The following AP1B1 variants were observed in gnomAD, a reference collection of about 807,000 sequenced individuals.
AP1B1 encodes adaptor related protein complex 1 subunit beta 1, also known as AP-1 complex subunit beta-1.
Under a neutral mutation model 104.3 loss-of-function variants are expected in AP1B1, and 36 were observed. The ratio of observed to expected loss-of-function variants is 0.35; its 90% CI spans 0.26 to 0.46. The LOEUF (loss-of-function observed/expected upper bound fraction) is 0.46. AP1B1 is among the 20% of genes least tolerant of loss of function. The pLI, the probability that AP1B1 is intolerant of heterozygous loss-of-function variation, is 1.00. For synonymous variants in AP1B1, 504 were observed against 517.5 expected (o/e 0.97, Z 0.35); for missense variants, 901 against 1,247.9 (o/e 0.72, Z 4.19).
chr22:29,384,793 G>A (rs200501872), intron 1 of AP1B1, among the ~76,000 whole-genome samples: 7 of 152,084 alleles, frequency 4.6e-5, no homozygotes, highest in Non-Finnish European at 8.8e-5. Flanking sequence ...GCTTGAACCC[G>A]GGAGGCGGAG....
chr22:29,340,848 GCT>G lies in AP1B1; in HGVS notation c.1804_1805del (p.Ser602ArgfsTer5). The G allele has an allele frequency of 6.3e-7, 1 of 1,593,694 alleles. No homozygotes were observed. Among genetic ancestry groups the G allele is most frequent in the Non-Finnish European group, 8.5e-7 (1 of 1,172,190 alleles). ...TAGGGGCTGTCTCAGGGCTCTCTGC[GCT>G]CTCACTCCTGCCGGGACACAGAAGT... The part of the protein sequence containing the change: ...SLPPRTASSE[S>X]AESPETAPTG... On this transcript the variant is annotated frameshift_variant, in exon 14 of 23. Coordinates refer to ENST00000357586, the MANE Select transcript of AP1B1 (RefSeq NM_001127.4). LOFTEE classifies it high-confidence loss of function.
chr22:29,340,671 A>G lies in AP1B1; in HGVS notation c.1983T>C (p.Gly661=), dbSNP rs2228323. The G allele has an allele frequency of 6.6e-3, 10,269 of 1,561,926 alleles. 563 individuals are homozygous for G. The African/African-American group carries it at 0.12, about 19-fold the overall frequency. Residue 661 remains glycine (G), a synonymous_variant, in exon 14 of 23, where the codon GGT becomes GGC. Transcript: ENST00000357586. The stretch of plus-strand genomic sequence containing the variant: ...CACAACATACCAGGCTGTCAAGGCC[A>G]CCGCCAAGAAGGTCCACAGCTCCCA... ...VQMGAVDLLG[G]GLDSLMGDEP...
Position 29,350,138 on chromosome 22 carries a change from G to A in AP1B1, c.1168C>T (p.Arg390Cys), listed in dbSNP as rs2061851886. ...AGGTCGAGCAGCGTGCTCACACAGC[G>A]CTCCGCAGATTGCTGCATGGGAAGA... Reference protein sequence around the residue: ...CAIKVEQSAERCVSTLLDLIQ... With the variant: ...CAIKVEQSAECCVSTLLDLIQ... The change falls in exon 10 of 23, where the codon CGC becomes TGC. Residue 390 changes from arginine (R) to cysteine (C), a missense_variant. Physicochemically the swap from Arg to Cys is radical, Grantham distance 180. Around this residue, in one of 3 missense-constraint regions of AP1B1, gnomAD observed 471 missense variants for 696.7 expected, o/e 0.68. Coordinates refer to ENST00000357586, the MANE Select transcript of AP1B1 (RefSeq NM_001127.4). 1.2e-6 allele frequency: 2 copies of A among 1,614,018 alleles called. No individual in the cohort carries two copies. The highest frequency in any genetic ancestry group is 1.7e-6 in the Non-Finnish European group (2 of 1,179,926).
At chr22:29,382,175 T>C (rs1451698155) in intron 1 of AP1B1, among the ~76,000 whole-genome samples, 2 of 152,078 alleles carry the variant, frequency 1.3e-5, no homozygotes, top group Non-Finnish European at 2.9e-5. Context: ...TGCTTCAGCC[T>C]CCTGAGTAGC....
rs189370895 is a variant in AP1B1 at position 29,338,882 on chromosome 22, C to G, written c.2163+108G>C. 1.0e-3 allele frequency: 1,452 copies of G among 1,458,760 alleles called. 4 individuals carry two copies. The highest frequency in any genetic ancestry group is 1.3e-3 in the Non-Finnish European group (1,366 of 1,077,608). The allele number at this position is 1,458,760 out of a possible 1,614,324, so 90.4% of individuals were successfully genotyped here. On this transcript the variant is annotated intron_variant, in intron 16 of 22. Transcript: ENST00000357586. ...CCCTGTGGCCCCCAGCTTCCCTCAT[C>G]ACTGCTGGCCTGAGCCAATTCCACA...
At chr22:29,387,709 T>C (rs1382599765) in intron 1 of AP1B1, among the ~76,000 whole-genome samples, 1 of 152,250 alleles carries the variant, frequency 6.6e-6, no homozygotes, top group Non-Finnish European at 1.5e-5. Flanking sequence ...TGGCCTTGCC[T>C]CTACTACCCG....
At chr22:29,342,247 G>T (rs778704009) in intron 12 of AP1B1, 38 bp downstream of exon 12, 1 of 1,528,442 alleles carries the variant, frequency 6.5e-7, no homozygotes, top group African/African-American at 1.4e-5. Context: ...CTTGAGTGAG[G>T]GCTATGCTGG....
intron 9 of AP1B1, among the ~76,000 whole-genome samples, chr22:29,350,524 C>G (rs999666024): frequency 1.3e-5 from 2 of 152,220 alleles, no homozygotes; most frequent in Non-Finnish European, 2.9e-5. Flanking sequence ...CACAGAACCT[C>G]TGACTGCTTC....
At chr22:29,331,056 C>T (rs892185169) in intron 19 of AP1B1, among the ~76,000 whole-genome samples, 6 of 152,208 alleles carry the variant, frequency 3.9e-5, no homozygotes, top group African/African-American at 1.2e-4. Flanking sequence ...AAGGGCTCCA[C>T]GCAGCCAGGG....
In AP1B1 at chr22:29,340,723, G is replaced by T. The variant is rs866417869; in HGVS notation, c.1931C>A (p.Pro644Gln). The T allele has an allele frequency of 6.3e-7, 1 of 1,592,502 alleles. No homozygotes were observed. ...NLDLGPPVSG[P>Q]PLATSSVQMG... ...CTGCACCGAGGAGGTGGCCAGGGGT[G>T]GGCCGCTCACTGGGGGGCCGAGGTC... Residue 644 changes from proline (P) to glutamine (Q), a missense_variant, in exon 14 of 23, where the codon CCA becomes CAA. Pro to Gln is a moderately conservative substitution (Grantham distance 76). This residue lies in a region of AP1B1 where 424 missense variants were observed against 494.0 expected (regional missense o/e 0.86). Coordinates refer to ENST00000357586, the MANE Select transcript of AP1B1 (RefSeq NM_001127.4).
intron 1 of AP1B1, among the ~76,000 whole-genome samples, chr22:29,377,335 TTCTC>T (rs1477238085): frequency 6.6e-5 from 10 of 152,128 alleles, no homozygotes; most frequent in Middle Eastern, 3.4e-3. Flanking sequence ...ATTTCAGACT[TTCTC>T]TCTGAGAAAA....
rs2061878564 is a variant in AP1B1 at position 29,351,749 on chromosome 22, G to A, written c.1015C>T (p.Leu339=). 6.2e-7 allele frequency: 1 copy of A among 1,614,176 alleles called. No homozygotes were observed. The highest frequency in any genetic ancestry group is 2.2e-5 in the East Asian group (1 of 44,886). The change falls in exon 8 of 23, where the codon CTG becomes TTG. Residue 339 remains leucine (L), a synonymous_variant. Coordinates refer to ENST00000357586, the MANE Select transcript of AP1B1 (RefSeq NM_001127.4). ...GAGGCCAGGCGGATCATGATGTCCA[G>A]CTTCTCCAGCTTCACGTAGATAGGG... ...NDPIYVKLEK[L]DIMIRLASQA...
Position 29,339,119 on chromosome 22 carries a change from G to A in AP1B1, c.2034C>T (p.Asn678=), listed in dbSNP as rs762365371. The change falls in exon 16 of 23, where the codon AAC becomes AAT. Residue 678 remains asparagine, a synonymous_variant. Transcript: ENST00000357586. ...GDEPEGIGGT[N]FVAPPTAAVP... is the part of the protein sequence containing the mutation. Reference sequence around the variant, plus strand: ...CTGCTGCTGTTGGAGGTGCCACGAAGTTGGTGCCCCCAATCTGGAAAGGGA... The same window carrying A: ...CTGCTGCTGTTGGAGGTGCCACGAAATTGGTGCCCCCAATCTGGAAAGGGA... 1.9e-6 allele frequency: 3 copies of A among 1,614,230 alleles called. No homozygotes were observed. Among genetic ancestry groups the A allele is most frequent in the Admixed American group, 3.3e-5 (2 of 60,028 alleles).
chr22:29,341,000 T>G, intron 13 of AP1B1, 143 bp from the exon 14 acceptor site: 1 of 784,578 alleles, frequency 1.3e-6, no homozygotes, highest in Non-Finnish European at 2.0e-6. Flanking sequence ...ACGGCCCCAC[T>G]TCTTCCCCAT....
chr22:29,352,519 G>C (rs948672143), intron 7 of AP1B1, among the ~76,000 whole-genome samples: 1 of 152,176 alleles, frequency 6.6e-6, no homozygotes, highest in Admixed American at 6.5e-5. Context: ...GGAAGGAGGA[G>C]GTACAAGGAA....
chr22:29,360,055 GGAGA>G, intron 3 of AP1B1, 96 bp from the exon 4 acceptor site: 1 of 1,332,370 alleles, frequency 7.5e-7, no homozygotes, highest in Non-Finnish European at 1.0e-6. Flanking sequence ...ACAGTGGGTA[GGAGA>G]GAAAGGAGAG....
chr22:29,336,401 C>T (rs2061638406), intron 16 of AP1B1, among the ~76,000 whole-genome samples: 1 of 152,206 alleles, frequency 6.6e-6, no homozygotes, highest in South Asian at 2.1e-4. Context: ...GGCAACCTGC[C>T]CTGATGACTC....
At position 29,340,821 on chromosome 22, in the gene AP1B1, A is replaced by G; in HGVS notation, c.1833T>C (p.Thr611=). The change falls in exon 14 of 23, where the codon ACT becomes ACC. Residue 611 remains threonine (T), a synonymous_variant. Transcript: ENST00000357586. ...CTGGCTGCTCCCCAGGAGGTGCTCC[A>G]GTAGGGGCTGTCTCAGGGCTCTCTG... The part of the protein sequence containing the change: ...ESAESPETAP[T]GAPPGEQPDV... 1 of 1,599,524 alleles carries G rather than the reference A, an allele frequency of 6.3e-7. No individual in the cohort carries two copies. The highest frequency in any genetic ancestry group is 8.5e-7 in the Non-Finnish European group (1 of 1,174,614).
In AP1B1 at chr22:29,339,036, G is replaced by A; in HGVS notation, c.2117C>T (p.Thr706Ile). ...GSGLSDLFDL[T>I]SGVGTLSGSY... Reference sequence around the variant, plus strand: ...TCCTGACAGGGTGCCCACGCCACTGGTCAGGTCAAAGAGGTCACTCAGGCC... The same window carrying A: ...TCCTGACAGGGTGCCCACGCCACTGATCAGGTCAAAGAGGTCACTCAGGCC... Residue 706 changes from threonine to isoleucine, a missense_variant, in exon 16 of 23, where the codon ACC becomes ATC. Thr to Ile is a moderately conservative substitution (Grantham distance 89, BLOSUM62 -1). Around this residue, in one of 3 missense-constraint regions of AP1B1, gnomAD observed 424 missense variants for 494.0 expected, o/e 0.86. Coordinates refer to ENST00000357586, the MANE Select transcript of AP1B1 (RefSeq NM_001127.4). 9.9e-6 allele frequency: 16 copies of A among 1,614,172 alleles called. No homozygotes were observed. Among genetic ancestry groups the A allele is most frequent in the Non-Finnish European group, 1.3e-5 (15 of 1,180,034 alleles).
Sources: allele counts gnomAD v4.1 joint callset (sites outside exome capture counted in the v4.1 genomes callset), GRCh38; gene constraint gnomAD v4.1.1; regional missense constraint gnomAD v4.1.1; transcripts MANE v1.5; gene names NCBI Gene and HGNC (gene_info 2026-07-23, HGNC 2026-07-21).